The following NALF1 variants were observed in gnomAD, a reference collection of about 807,000 sequenced individuals.
The protein encoded by NALF1 is family with sequence similarity 155 member A.
NALF1 carries 3 observed loss-of-function variants against 48.4 expected under a neutral mutation model. That is an observed-to-expected ratio of 0.06 (90% CI 0.03 to 0.16). NALF1 has a LOEUF of 0.16. Among genes scored for constraint, NALF1 ranks in the 10% least tolerant of loss-of-function variants. NALF1 has a pLI of 1.00. For missense variants in NALF1, 526 were observed against 571.5 expected (o/e 0.92, Z 0.81); for synonymous variants, 262 against 245.7 (o/e 1.07, Z -0.62).
intron 1 of NALF1, among the ~76,000 whole-genome samples, chr13:107,223,171 A>G (rs1219047063): frequency 6.6e-6 from 1 of 152,196 alleles, no homozygotes; most frequent in Non-Finnish European, 1.5e-5. Context: ...CTAGAGCCAA[A>G]GAAAGATTTA....
At chr13:107,778,815 T>C (rs767515346) in intron 1 of NALF1, among the ~76,000 whole-genome samples, 1 of 152,132 alleles carries the variant, frequency 6.6e-6, no homozygotes, top group Non-Finnish European at 1.5e-5. Flanking sequence ...CAATCACCTG[T>C]TGTTACTTGA....
intron 1 of NALF1, among the ~76,000 whole-genome samples, chr13:107,688,508 T>C (rs1249991475): frequency 6.6e-6 from 1 of 152,168 alleles, no homozygotes; most frequent in Non-Finnish European, 1.5e-5. Flanking sequence ...TTGAACAGTA[T>C]AAAATGTGTC....
At chr13:107,357,267 G>GGA (rs1882979918) in intron 1 of NALF1, among the ~76,000 whole-genome samples, 1 of 152,136 alleles carries the variant, frequency 6.6e-6, no homozygotes, top group African/African-American at 2.4e-5. Context: ...TATGGCAGCA[G>GGA]GAGAGAGAAG....
chr13:107,276,416 A>C (rs974982009), intron 1 of NALF1, among the ~76,000 whole-genome samples: 1 of 152,214 alleles, frequency 6.6e-6, no homozygotes, highest in Non-Finnish European at 1.5e-5. Flanking sequence ...ACATGTCCCA[A>C]CAGGAAATAA....
At chr13:107,847,100 AAG>A (rs1448442704) in intron 1 of NALF1, among the ~76,000 whole-genome samples, 3 of 152,160 alleles carry the variant, frequency 2.0e-5, no homozygotes, top group Non-Finnish European at 2.9e-5. Context: ...TGGGGAAAAA[AAG>A]AAAACTTGAA....
At chr13:107,453,522 G>A (rs1015118949) in intron 1 of NALF1, among the ~76,000 whole-genome samples, 12 of 152,166 alleles carry the variant, frequency 7.9e-5, no homozygotes, top group African/African-American at 2.2e-4. Context: ...ACATAGCAAG[G>A]GGCCCCTAGG....
intron 1 of NALF1, among the ~76,000 whole-genome samples, chr13:107,412,376 A>G (rs756702419): frequency 1.3e-5 from 2 of 152,184 alleles, no homozygotes; most frequent in African/African-American, 2.4e-5. Flanking sequence ...TTAAAAAACA[A>G]TGGCAAGTAG....
chr13:107,458,390 G>C (rs1884859239), intron 1 of NALF1, among the ~76,000 whole-genome samples: 1 of 152,214 alleles, frequency 6.6e-6, no homozygotes, highest in Non-Finnish European at 1.5e-5. Context: ...ACCCCACACA[G>C]GCGGAACAGT....
rs1555330444 is a variant in NALF1, at chr13:107,866,167, T to C, written c.430A>G (p.Lys144Glu). The change falls in exon 1 of 3, where the codon AAG (lysine) becomes GAG (glutamate). Residue 144 changes from lysine to glutamate, a missense_variant. Lys to Glu is a moderately conservative substitution (Grantham distance 56, BLOSUM62 1). Coordinates refer to ENST00000375915, the MANE Select transcript of NALF1 (RefSeq NM_001080396.3). The surrounding 1 kb of genome is among the most constrained non-coding windows in gnomAD (Gnocchi z 4.4). ...CGGTCGTCTTTGCCTCGGTTGCCCT[T>C]GCCGCCGCCGCCGCCGCCGTCTCCC... ...SPGDGGGGGG[K>E]GNRGKDDRGK... 1.9e-6 allele frequency: 3 copies of C among 1,605,248 alleles called. No homozygotes were observed. The Admixed American group carries it at 5.1e-5, about 27-fold the overall frequency.
chr13:107,307,631 T>G (rs1881962438), intron 1 of NALF1, among the ~76,000 whole-genome samples: 1 of 116,932 alleles, frequency 8.6e-6, no homozygotes, highest in Non-Finnish European at 1.9e-5. Context: ...GATTCCTTTT[T>G]TATTAAAAAA....
intron 1 of NALF1, among the ~76,000 whole-genome samples, chr13:107,656,499 T>A (rs1880580123): frequency 6.6e-6 from 1 of 151,736 alleles, no homozygotes; most frequent in African/African-American, 2.4e-5. Flanking sequence ...ATCAAAAAAA[T>A]CAAAAAATAA....
At chr13:107,183,813 G>A (rs1426880786) in intron 2 of NALF1, among the ~76,000 whole-genome samples, 2 of 152,140 alleles carry the variant, frequency 1.3e-5, no homozygotes, top group African/African-American at 4.8e-5. Context: ...TGGGCACAGA[G>A]AGGGTAGCTT....
At chr13:107,390,567 C>G (rs1026979852) in intron 1 of NALF1, among the ~76,000 whole-genome samples, 1 of 151,812 alleles carries the variant, frequency 6.6e-6, no homozygotes, top group Non-Finnish European at 1.5e-5. Flanking sequence ...GGCGACAGAG[C>G]GAGGCTCCAT....
At chr13:107,295,325 A>AT (rs985472753) in intron 1 of NALF1, among the ~76,000 whole-genome samples, 6 of 152,162 alleles carry the variant, frequency 3.9e-5, no homozygotes, top group Admixed American at 3.3e-4. Flanking sequence ...TGATTTCATT[A>AT]TTTTTTATGG....
chr13:107,310,940 C>T (rs1351292005), intron 1 of NALF1, among the ~76,000 whole-genome samples: 18 of 151,924 alleles, frequency 1.2e-4, no homozygotes, highest in Admixed American at 1.0e-3. Flanking sequence ...GGATTACAGG[C>T]GGGAGCCACA....
At chr13:107,580,894 AAAAG>A (rs1255495803) in intron 1 of NALF1, among the ~76,000 whole-genome samples, 8 of 152,274 alleles carry the variant, frequency 5.3e-5, no homozygotes, top group South Asian at 4.1e-4. Flanking sequence ...CCAAGGAACA[AAAAG>A]AAAGAAAGAG....
At chr13:107,631,920 T>G (rs1451586176) in intron 1 of NALF1, among the ~76,000 whole-genome samples, 1 of 152,166 alleles carries the variant, frequency 6.6e-6, no homozygotes, top group African/African-American at 2.4e-5. Flanking sequence ...CTCTGTCTTC[T>G]TCAATCTCCC....
intron 1 of NALF1, among the ~76,000 whole-genome samples, chr13:107,818,188 T>C (rs1158194864): frequency 1.3e-5 from 2 of 152,086 alleles, no homozygotes; most frequent in African/African-American, 2.4e-5. Context: ...GGGAACATCT[T>C]GAGGAGAGGT....
At position 107,714,664 on chromosome 13, in the gene NALF1, T is replaced by C. The variant is rs1348266393; in HGVS notation, c.915+151018A>G. 2.0e-5 allele frequency among the ~76,000 whole-genome samples: 3 copies of C among 148,856 alleles called. No homozygotes were observed. In the East Asian group the frequency reaches 5.9e-4, roughly 29 times the overall value. On this transcript the variant is annotated intron_variant, in intron 1 of 2. Transcript: ENST00000375915. ...AGAAAGATAAAATTGGGAAACTTTT[T>C]AATCTGAACAGAGCATTTCCTCTTT...
Sources: gnomAD v4.1 joint callset for allele counts (sites outside exome capture counted in the v4.1 genomes callset) on GRCh38, gnomAD v4.1.1 for gene constraint, Gnocchi (gnomAD v3.1) non-coding constraint, MANE v1.5 for transcripts, NCBI Gene and HGNC (gene_info 2026-07-23, HGNC 2026-07-21) for gene names.